OPCML: variants seen among roughly 807,000 people sequenced by gnomAD.
OPCML encodes opioid-binding protein/cell adhesion molecule.
OPCML carries 13 observed loss-of-function variants against 37.8 expected under a neutral mutation model. The ratio of observed to expected loss-of-function variants is 0.34; its 90% CI spans 0.22 to 0.55. The LOEUF (loss-of-function observed/expected upper bound fraction) is 0.55, where lower values mean the gene tolerates loss of function less well. OPCML is among the 20% of genes least tolerant of loss of function. The pLI, the probability that OPCML is intolerant of heterozygous loss-of-function variation, is 0.91. For synonymous variants in OPCML, 176 were observed against 168.8 expected (o/e 1.04, Z -0.33); for missense variants, 341 against 435.6 (o/e 0.78, Z 1.93).
intron 3 of OPCML, among the ~76,000 whole-genome samples, chr11:132,529,625 C>T (rs1255981201): frequency 2.0e-5 from 3 of 152,306 alleles, no homozygotes; most frequent in East Asian, 3.9e-4. Context: ...GCTGATAACG[C>T]TGAGTTAGTT....
chr11:133,329,924 T>G (rs1943577408), intron 1 of OPCML, among the ~76,000 whole-genome samples: 1 of 152,122 alleles, frequency 6.6e-6, no homozygotes, highest in African/African-American at 2.4e-5. Flanking sequence ...GGAGAAAATT[T>G]TTGCAACCTA....
chr11:133,001,455 T>C (rs1257422548), intron 1 of OPCML, among the ~76,000 whole-genome samples: 3 of 152,200 alleles, frequency 2.0e-5, no homozygotes, highest in Non-Finnish European at 2.9e-5. Flanking sequence ...GATGCTATCA[T>C]TGGGTGACTT....
At chr11:132,444,142 C>T (rs2096046283) in intron 4 of OPCML, among the ~76,000 whole-genome samples, 1 of 152,170 alleles carries the variant, frequency 6.6e-6, no homozygotes, top group African/African-American at 2.4e-5. Flanking sequence ...GATGGAGACA[C>T]AGGAGTAATG....
intron 1 of OPCML, among the ~76,000 whole-genome samples, chr11:132,988,682 C>G (rs1197992387): frequency 1.3e-5 from 2 of 152,130 alleles, no homozygotes; most frequent in Non-Finnish European, 2.9e-5. Flanking sequence ...GCTAGTTTTG[C>G]AGAATAGAAG....
intron 4 of OPCML, among the ~76,000 whole-genome samples, chr11:132,449,492 C>T (rs2096063377): frequency 6.6e-6 from 1 of 152,146 alleles, no homozygotes; most frequent in Non-Finnish European, 1.5e-5. Flanking sequence ...TTCTGTCCTC[C>T]TCGCCTTTAC....
chr11:133,532,476 G>C lies in OPCML; in HGVS notation c.-152C>G. ...CAGAAGAGAGAGAGAGCGCGCGAGAGATGGGAGCAGGCAGGCAGCGTCTCT... is the reference window on the plus strand; with the variant it reads ...CAGAAGAGAGAGAGAGCGCGCGAGACATGGGAGCAGGCAGGCAGCGTCTCT... On this transcript the variant is annotated 5_prime_UTR_variant, in exon 1 of 8. In the 5' UTR this introduces an upstream ATG that the reference lacks. Coordinates refer to ENST00000524381, the MANE Select transcript of OPCML (RefSeq NM_001012393.5). 1 of 848,522 alleles carries C rather than the reference G, an allele frequency of 1.2e-6. No individual in the cohort carries two copies. Among genetic ancestry groups the C allele is most frequent in the Non-Finnish European group, 1.9e-6 (1 of 528,032 alleles). 52.6% of individuals were successfully genotyped at this position (848,522 alleles called of 1,614,324 possible).
chr11:132,697,315 A>C (rs959744343), intron 2 of OPCML, among the ~76,000 whole-genome samples: 3 of 152,156 alleles, frequency 2.0e-5, no homozygotes, highest in African/African-American at 7.2e-5. Flanking sequence ...TCTTCTAGCA[A>C]ATTTCAAGTA....
Position 132,441,158 on chromosome 11 carries a change from C to CTTTTTTTTTTTTTTTTT in OPCML, c.506-3800_506-3799insAAAAAAAAAAAAAAAAA, listed in dbSNP as rs749099654. Among the ~76,000 whole-genome samples, 192 of 108,034 alleles carry CTTTTTTTTTTTTTTTTT rather than the reference C, an allele frequency of 1.8e-3. 21 individuals carry two copies. Among genetic ancestry groups the CTTTTTTTTTTTTTTTTT allele is most frequent in the African/African-American group, 4.8e-3 (110 of 22,756 alleles). 70.9% of individuals were successfully genotyped at this position (108,034 alleles called of 152,430 possible). On this transcript the variant is annotated intron_variant, in intron 4 of 7. Coordinates refer to ENST00000524381, the MANE Select transcript of OPCML (RefSeq NM_001012393.5). ...ATTCTGAAGATGTGTTCACCAAGGA[C>CTTTTTTTTTTTTTTTTT]TTTTTTGTTTTTTTTTTTTTTTTTT...
chr11:132,800,224 C>A (rs113605977), intron 2 of OPCML, among the ~76,000 whole-genome samples: 3 of 152,118 alleles, frequency 2.0e-5, no homozygotes, highest in Non-Finnish European at 4.4e-5. Flanking sequence ...TTGCTCATTG[C>A]AATTGCTAGT....
intron 1 of OPCML, among the ~76,000 whole-genome samples, chr11:133,241,064 T>C (rs1423460809): frequency 6.6e-6 from 1 of 152,190 alleles, no homozygotes; most frequent in Admixed American, 6.5e-5. Context: ...CCTCTTTCTC[T>C]CGATGAATAA....
intron 2 of OPCML, among the ~76,000 whole-genome samples, chr11:132,878,566 G>A (rs563531722): frequency 2.6e-4 from 39 of 152,088 alleles, no homozygotes; most frequent in African/African-American, 7.5e-4. Flanking sequence ...GGAACTTCTC[G>A]GCTTCCATAA....
intron 2 of OPCML, among the ~76,000 whole-genome samples, chr11:132,779,021 G>A (rs1383977862): frequency 2.3e-5 from 3 of 131,846 alleles, no homozygotes; most frequent in African/African-American, 8.7e-5. Flanking sequence ...AGGCTGGAGT[G>A]CAGTGGTGCC....
intron 2 of OPCML, among the ~76,000 whole-genome samples, chr11:132,760,758 C>A (rs1399825514): frequency 1.3e-5 from 2 of 151,892 alleles, no homozygotes; most frequent in African/African-American, 2.4e-5. Flanking sequence ...ATCCAATTTG[C>A]CAGTCTGTGT....
At chr11:132,761,295 C>G (rs913807368) in intron 2 of OPCML, among the ~76,000 whole-genome samples, 1 of 145,914 alleles carries the variant, frequency 6.9e-6, no homozygotes, top group African/African-American at 2.6e-5. Context: ...TAGGGTTGCT[C>G]TCCTCAAGGA....
At chr11:132,940,586 A>C (rs191525696) in intron 2 of OPCML, among the ~76,000 whole-genome samples, 1 of 152,338 alleles carries the variant, frequency 6.6e-6, no homozygotes, top group Non-Finnish European at 1.5e-5. Context: ...AGAAACTGAA[A>C]ACATGGACTC....
At chr11:132,866,368 G>A (rs940253637) in intron 2 of OPCML, among the ~76,000 whole-genome samples, 1 of 152,168 alleles carries the variant, frequency 6.6e-6, no homozygotes, top group African/African-American at 2.4e-5. Flanking sequence ...ATCCTATTAA[G>A]CTGTGGATAC....
At chr11:133,031,686 T>C (rs1309947126) in intron 1 of OPCML, among the ~76,000 whole-genome samples, 2 of 152,018 alleles carry the variant, frequency 1.3e-5, no homozygotes, top group Non-Finnish European at 2.9e-5. Flanking sequence ...AAAGTGGCTA[T>C]AGGTTTCACT....
chr11:133,148,139 G>A (rs1345369402), intron 1 of OPCML, among the ~76,000 whole-genome samples: 1 of 152,142 alleles, frequency 6.6e-6, no homozygotes, highest in Non-Finnish European at 1.5e-5. Flanking sequence ...AACTCCTATA[G>A]AATCCAGAGG....
chr11:132,918,886 G>T (rs1013975136), intron 2 of OPCML, among the ~76,000 whole-genome samples: 2 of 152,194 alleles, frequency 1.3e-5, no homozygotes, highest in African/African-American at 4.8e-5. Flanking sequence ...ATCTTGGACT[G>T]ACTGTTGTCT....
Sources: allele counts gnomAD v4.1 joint callset (sites outside exome capture counted in the v4.1 genomes callset), GRCh38; gene constraint gnomAD v4.1.1; transcripts MANE v1.5; gene names NCBI Gene and HGNC (gene_info 2026-07-23, HGNC 2026-07-21).